The following RBFOX1 variants were observed in gnomAD, a reference collection of about 807,000 sequenced individuals.
RBFOX1 encodes the protein RNA binding fox-1 homolog 1.
In RBFOX1, 8 loss-of-function variants were observed where a neutral mutation model predicts 57.7. The observed-to-expected ratio is 0.14, with a 90% CI of 0.08 to 0.25. The LOEUF (loss-of-function observed/expected upper bound fraction) is 0.25, where lower values mean the gene tolerates loss of function less well. Ranked by LOEUF, RBFOX1 falls within the 10% of genes least tolerant of loss-of-function variation. RBFOX1 has a pLI of 1.00. For synonymous variants in RBFOX1, 326 were observed against 222.4 expected, an observed-to-expected ratio of 1.47 and a Z score of -4.15; for missense variants, 611 against 548.5, an observed-to-expected ratio of 1.11 and a Z score of -1.14.
At chr16:7,501,237 A>G (rs1407532033) in intron 4 of RBFOX1, among the ~76,000 whole-genome samples, 5 of 152,174 alleles carry the variant, frequency 3.3e-5, no homozygotes, top group Admixed American at 3.3e-4. Flanking sequence ...TCCTCTGCTT[A>G]TTTCTTCTAT....
intron 4 of RBFOX1, among the ~76,000 whole-genome samples, chr16:7,290,398 C>G (rs1219681318): frequency 6.6e-6 from 1 of 152,128 alleles, no homozygotes; most frequent in Non-Finnish European, 1.5e-5. Flanking sequence ...ATTTTTTAAC[C>G]AGGTGACCTT....
At chr16:5,726,542 G>A (rs572087562) in intron 3 of RBFOX1, among the ~76,000 whole-genome samples, 9 of 152,116 alleles carry the variant, frequency 5.9e-5, no homozygotes, top group Admixed American at 1.3e-4. Context: ...GGTCAGCCAG[G>A]GGCAAATCCT....
At chr16:7,035,540 C>T (rs2044153960) in intron 3 of RBFOX1, among the ~76,000 whole-genome samples, 1 of 152,186 alleles carries the variant, frequency 6.6e-6, no homozygotes, top group East Asian at 1.9e-4. Flanking sequence ...CAGTTTCTTT[C>T]TGAACGCTAC....
At chr16:6,417,366 A>G (rs145256329) in intron 2 of RBFOX1, among the ~76,000 whole-genome samples, 1 of 149,450 alleles carries the variant, frequency 6.7e-6, no homozygotes, top group African/African-American at 2.5e-5. Flanking sequence ...CTATGTTTAT[A>G]CTTGATCAAA....
intron 4 of RBFOX1, among the ~76,000 whole-genome samples, chr16:5,917,713 C>G (rs1005071827): frequency 6.6e-6 from 1 of 152,216 alleles, no homozygotes; most frequent in Non-Finnish European, 1.5e-5. Flanking sequence ...GGATACCTGA[C>G]ATAACCTCTC....
At position 6,759,491 on chromosome 16, in the gene RBFOX1, G is replaced by C. The variant is rs1029533138; in HGVS notation, c.-16+104841G>C. ...CAGTTGTCTGTGTGTGTGTGTGTGT[G>C]TGTGTGTGTGTGTGTGTGTGTGTGT... On this transcript the variant is annotated intron_variant, in intron 3 of 15. Transcript: ENST00000550418. 1.3e-4 allele frequency among the ~76,000 whole-genome samples: 19 copies of C among 146,814 alleles called. 1 individual carries two copies. The highest frequency in any genetic ancestry group is 1.9e-4 in the Non-Finnish European group (13 of 66,968).
chr16:7,214,233 G>T (rs1247117056), intron 4 of RBFOX1, among the ~76,000 whole-genome samples: 1 of 152,038 alleles, frequency 6.6e-6, no homozygotes. Context: ...TCTGTGAAGT[G>T]TTTTTTTCTC....
intron 2 of RBFOX1, among the ~76,000 whole-genome samples, chr16:5,598,688 C>T (rs1034154839): frequency 6.6e-6 from 1 of 152,134 alleles, no homozygotes; most frequent in Non-Finnish European, 1.5e-5. Context: ...ATGAGACTAG[C>T]CACGGGGCTT....
chr16:7,449,148 C>T (rs921051866), intron 4 of RBFOX1, among the ~76,000 whole-genome samples: 12 of 151,978 alleles, frequency 7.9e-5, no homozygotes, highest in Admixed American at 2.6e-4. Flanking sequence ...AGGCTGGTCT[C>T]GAACTCCCGA....
intron 1 of RBFOX1, among the ~76,000 whole-genome samples, chr16:6,164,722 C>T (rs1475549606): frequency 6.6e-6 from 1 of 151,610 alleles, no homozygotes; most frequent in East Asian, 1.9e-4. Context: ...TGGTGATCCA[C>T]CCCCCTTGGC....
intron 3 of RBFOX1, among the ~76,000 whole-genome samples, chr16:5,725,416 T>TTTA (rs1176654916): frequency 4.6e-5 from 7 of 151,674 alleles, no homozygotes; most frequent in African/African-American, 7.3e-5. Flanking sequence ...GCTAATTGCT[T>TTTA]TTATTATTAT....
At chr16:6,921,877 G>C (rs6500877) in intron 3 of RBFOX1, among the ~76,000 whole-genome samples, 145,874 of 152,104 alleles carry the variant, frequency 0.96, 70,017 homozygotes, top group East Asian at 1. Flanking sequence ...TACCCATAAT[G>C]AAGAGGAGGA....
At chr16:7,242,208 T>G (rs993560776) in intron 4 of RBFOX1, among the ~76,000 whole-genome samples, 18 of 152,194 alleles carry the variant, frequency 1.2e-4, no homozygotes, top group Non-Finnish European at 4.4e-5. Flanking sequence ...TGGAAACTAC[T>G]GTCTCCTAGT....
chr16:6,907,962 C>G (rs1191848243), intron 3 of RBFOX1, among the ~76,000 whole-genome samples: 1 of 151,616 alleles, frequency 6.6e-6, no homozygotes, highest in African/African-American at 2.4e-5. Context: ...ATAGAGTTCT[C>G]CCCGTGAGCA....
intron 4 of RBFOX1, among the ~76,000 whole-genome samples, chr16:5,905,347 C>G (rs181179641): frequency 6.6e-6 from 1 of 151,896 alleles, no homozygotes; most frequent in African/African-American, 2.4e-5. Flanking sequence ...GCTGCTGTGA[C>G]GGACCTAACT....
At chr16:7,168,436 A>T (rs2080016463) in intron 4 of RBFOX1, among the ~76,000 whole-genome samples, 1 of 152,176 alleles carries the variant, frequency 6.6e-6, no homozygotes, top group South Asian at 2.1e-4. Flanking sequence ...TTCTCATTGC[A>T]TGTGAATTCG....
chr16:7,248,283 G>A (rs1038405765), intron 4 of RBFOX1, among the ~76,000 whole-genome samples: 3 of 152,194 alleles, frequency 2.0e-5, no homozygotes, highest in Non-Finnish European at 2.9e-5. Context: ...AATTCTTGCT[G>A]CCTTTCCTAC....
At chr16:6,093,039 C>G (rs912009467) in intron 1 of RBFOX1, 1 of 152,128 alleles carries the variant, frequency 6.6e-6, no homozygotes, top group Admixed American at 6.5e-5. Context: ...TATGACAAAC[C>G]TGCACATGTA....
chr16:6,574,530 G>A (rs997744809), intron 2 of RBFOX1, among the ~76,000 whole-genome samples: 11 of 144,322 alleles, frequency 7.6e-5, no homozygotes, highest in African/African-American at 2.5e-4. Context: ...CAGGGTTCAC[G>A]CCATTCTCCT....
Sources: allele counts gnomAD v4.1 joint callset (sites outside exome capture counted in the v4.1 genomes callset), GRCh38; gene constraint gnomAD v4.1.1; transcripts MANE v1.5; gene names NCBI Gene and HGNC (gene_info 2026-07-23, HGNC 2026-07-21).